Variants in THSD7A observed in about 807,000 individuals in gnomAD.
THSD7A encodes thrombospondin type-1 domain-containing protein 7A.
A neutral mutation model predicts 231.3 loss-of-function variants in THSD7A; 96 were observed. That is an observed-to-expected ratio of 0.41 (90% CI 0.35 to 0.49). The LOEUF (loss-of-function observed/expected upper bound fraction) is 0.49, where lower values mean the gene tolerates loss of function less well. Ranked by LOEUF, THSD7A falls within the 20% of genes least tolerant of loss-of-function variation. The pLI is 0.05. For missense variants in THSD7A, 2,290 were observed against 2,070.2 expected (o/e 1.11, Z -2.06); for synonymous variants, 940 against 743.3 (o/e 1.26, Z -4.30).
intron 14 of THSD7A, 47 bp downstream of exon 14, chr7:11,428,900 A>G: frequency 6.5e-7 from 1 of 1,543,722 alleles, no homozygotes; most frequent in East Asian, 2.4e-5. Flanking sequence ...AAATCAGATC[A>G]TTGTGAATCT....
At chr7:11,508,313 G>A (rs1213856950) in intron 6 of THSD7A, among the ~76,000 whole-genome samples, 1 of 151,920 alleles carries the variant, frequency 6.6e-6, no homozygotes, top group Non-Finnish European at 1.5e-5. Flanking sequence ...ACAAGTATTT[G>A]AAAAAATGTT....
intron 2 of THSD7A, among the ~76,000 whole-genome samples, chr7:11,616,598 T>A (rs1781109832): frequency 6.6e-6 from 1 of 152,162 alleles, no homozygotes; most frequent in Non-Finnish European, 1.5e-5. Flanking sequence ...AATTGCTAGT[T>A]TTCTCTTACT....
intron 6 of THSD7A, among the ~76,000 whole-genome samples, chr7:11,540,356 G>T (rs1051147189): frequency 6.6e-6 from 1 of 152,178 alleles, no homozygotes. Context: ...TCCCACACCA[G>T]AGAGTGTCTT....
At chr7:11,813,721 A>AATG (rs1784598317) in intron 1 of THSD7A, among the ~76,000 whole-genome samples, 1 of 8,910 alleles carries the variant, frequency 1.1e-4, no homozygotes, top group African/African-American at 1.8e-4. Context: ...TCAAAATAAT[A>AATG]ATAATAATAA....
chr7:11,545,127 T>A (rs1350198021), intron 4 of THSD7A, among the ~76,000 whole-genome samples: 5 of 152,152 alleles, frequency 3.3e-5, no homozygotes, highest in East Asian at 1.9e-4. Context: ...GAGTCTATAC[T>A]ATGTAGCAAA....
At chr7:11,631,576 T>C (rs957907009) in intron 2 of THSD7A, among the ~76,000 whole-genome samples, 20 of 151,962 alleles carry the variant, frequency 1.3e-4, no homozygotes, top group African/African-American at 4.6e-4. Flanking sequence ...TTATAGATAG[T>C]AAAGGGCTGA....
chr7:11,447,951 C>A (rs1392580537), intron 11 of THSD7A, among the ~76,000 whole-genome samples: 1 of 152,058 alleles, frequency 6.6e-6, no homozygotes, highest in Non-Finnish European at 1.5e-5. Flanking sequence ...GCTTATAGAA[C>A]TTATCTTGAA....
intron 13 of THSD7A, among the ~76,000 whole-genome samples, chr7:11,439,641 A>G (rs927552750): frequency 2.0e-5 from 3 of 152,054 alleles, no homozygotes; most frequent in East Asian, 1.9e-4. Flanking sequence ...CGGTCTAGAA[A>G]GAATACCAAA....
intron 13 of THSD7A, among the ~76,000 whole-genome samples, chr7:11,431,420 A>G (rs1233078357): frequency 6.6e-6 from 1 of 152,114 alleles, no homozygotes; most frequent in African/African-American, 2.4e-5. Context: ...GCATGTGGTT[A>G]TTGAGTTATC....
chr7:11,568,715 G>T (rs921803423), intron 4 of THSD7A, among the ~76,000 whole-genome samples: 4 of 146,602 alleles, frequency 2.7e-5, no homozygotes, highest in Admixed American at 1.4e-4. Flanking sequence ...TAGAATATTG[G>T]AAATAGCCAG....
At chr7:11,677,762 C>G (rs1783701123) in intron 1 of THSD7A, among the ~76,000 whole-genome samples, 1 of 152,036 alleles carries the variant, frequency 6.6e-6, no homozygotes, top group Non-Finnish European at 1.5e-5. Flanking sequence ...TTTAACACCA[C>G]ACTGTCAGTA....
intron 1 of THSD7A, among the ~76,000 whole-genome samples, chr7:11,804,185 C>G (rs1472187047): frequency 6.6e-6 from 1 of 152,070 alleles, no homozygotes; most frequent in Admixed American, 6.6e-5. Context: ...GTCATTATCA[C>G]TCATTTTTAT....
rs1691245443 is a variant in THSD7A, at chr7:11,404,796, A to G, written c.4237+1504T>C. 3.3e-5 allele frequency among the ~76,000 whole-genome samples: 5 copies of G among 151,002 alleles called. No individual in the cohort carries two copies. In the South Asian group the frequency reaches 1.0e-3, roughly 32 times the overall value. ...TTTTATTTTTTATTGTGATAAGACC[A>G]TTTAACATGAGATCTACCCACTTAA... On this transcript the variant is annotated intron_variant, in intron 22 of 27. Coordinates refer to ENST00000423059, the MANE Select transcript of THSD7A (RefSeq NM_015204.3).
intron 23 of THSD7A, among the ~76,000 whole-genome samples, chr7:11,400,745 A>T (rs999190857): frequency 6.6e-6 from 1 of 152,204 alleles, no homozygotes; most frequent in Non-Finnish European, 1.5e-5. Context: ...TTTTTACTGC[A>T]AGTATTCTTT....
intron 6 of THSD7A, among the ~76,000 whole-genome samples, chr7:11,526,809 G>A (rs1157628228): frequency 6.6e-6 from 1 of 152,058 alleles, no homozygotes; most frequent in African/African-American, 2.4e-5. Flanking sequence ...GTGGAACTAT[G>A]AGCCAGTCTC....
intron 19 of THSD7A, among the ~76,000 whole-genome samples, chr7:11,408,175 C>A (rs1009843875): frequency 1.3e-5 from 2 of 152,004 alleles, no homozygotes; most frequent in Non-Finnish European, 2.9e-5. Flanking sequence ...ACTGTATATT[C>A]CAACATTTAA....
At chr7:11,389,676 G>T (rs1373743683) in intron 23 of THSD7A, among the ~76,000 whole-genome samples, 1 of 151,786 alleles carries the variant, frequency 6.6e-6, no homozygotes. Flanking sequence ...GATGCTAGCT[G>T]GTTATTGTGC....
chr7:11,415,930 C>G (rs1206847508), intron 17 of THSD7A, among the ~76,000 whole-genome samples: 1 of 152,180 alleles, frequency 6.6e-6, no homozygotes, highest in Non-Finnish European at 1.5e-5. Flanking sequence ...TCTTCTCCTG[C>G]CCAAAAATCT....
chr7:11,702,573 T>C (rs1035222877), intron 1 of THSD7A, among the ~76,000 whole-genome samples: 1 of 151,198 alleles, frequency 6.6e-6, no homozygotes, highest in African/African-American at 2.4e-5. Flanking sequence ...CTGGATAATC[T>C]TAAGGTCTTA....
Sources: gnomAD v4.1 joint callset for allele counts (sites outside exome capture counted in the v4.1 genomes callset) on GRCh38, gnomAD v4.1.1 for gene constraint, MANE v1.5 for transcripts, NCBI Gene and HGNC (gene_info 2026-07-23, HGNC 2026-07-21) for gene names.